The following AFG3L2 variants were observed in gnomAD, a reference collection of about 807,000 sequenced individuals.
AFG3L2 encodes AFG3 like matrix AAA peptidase subunit 2, also known as mitochondrial inner membrane m-AAA protease component AFG3L2.
Under a neutral mutation model 94.5 loss-of-function variants are expected in AFG3L2, and 54 were observed. The ratio of observed to expected loss-of-function variants is 0.57; its 90% CI spans 0.46 to 0.72. The LOEUF is 0.72. Ranked by LOEUF, AFG3L2 falls within the 30% of genes least tolerant of loss-of-function variation. The pLI, the probability that AFG3L2 is intolerant of heterozygous loss-of-function variation, is 0.00. For synonymous variants in AFG3L2, 377 were observed against 365.5 expected, an observed-to-expected ratio of 1.03 and a Z score of -0.36; for missense variants, 754 against 994.9, an observed-to-expected ratio of 0.76 and a Z score of 3.26.
chr18:12,354,714 G>A (rs998606403), intron 9 of AFG3L2, among the ~76,000 whole-genome samples: 2 of 152,022 alleles, frequency 1.3e-5, no homozygotes, highest in Non-Finnish European at 2.9e-5. Flanking sequence ...GACACACTCA[G>A]GTATCTCACG....
At chr18:12,376,170 C>G (rs1471797247) in intron 1 of AFG3L2, among the ~76,000 whole-genome samples, 1 of 152,180 alleles carries the variant, frequency 6.6e-6, no homozygotes, top group Non-Finnish European at 1.5e-5. Context: ...TACAAGGGCG[C>G]TGGGATAGCA....
chr18:12,355,158 C>T (rs775704875), intron 9 of AFG3L2, among the ~76,000 whole-genome samples: 2 of 150,750 alleles, frequency 1.3e-5, no homozygotes, highest in African/African-American at 2.4e-5. Context: ...GAGGTTATGC[C>T]GCTGCACTCC....
At chr18:12,338,687 A>G (rs1907832969) in intron 15 of AFG3L2, among the ~76,000 whole-genome samples, 1 of 152,244 alleles carries the variant, frequency 6.6e-6, no homozygotes, top group Non-Finnish European at 1.5e-5. Context: ...AATAGGCAAT[A>G]GAAAAATCCC....
chr18:12,336,834 T>C (rs1907757038), intron 16 of AFG3L2, among the ~76,000 whole-genome samples: 1 of 152,208 alleles, frequency 6.6e-6, no homozygotes, highest in Non-Finnish European at 1.5e-5. Flanking sequence ...GTAGGTGCTA[T>C]CAAATGAGGT....
At position 12,351,288 on chromosome 18, in the gene AFG3L2, C is replaced by A. The variant is rs1342698324; in HGVS notation, c.1426+18G>T. On this transcript the variant is annotated intron_variant, in intron 11 of 16. Coordinates refer to ENST00000269143, the MANE Select transcript of AFG3L2 (RefSeq NM_006796.3). ...ACACTCATGAGCACTGGACCTGCCC[C>A]AGCAAACATCATCTCACCAATAAAG... 6.2e-7 allele frequency: 1 copy of A among 1,614,140 alleles called. No individual in the cohort carries two copies.
At chr18:12,353,570 G>T (rs1323511737) in intron 9 of AFG3L2, among the ~76,000 whole-genome samples, 1 of 150,424 alleles carries the variant, frequency 6.6e-6, no homozygotes, top group African/African-American at 2.4e-5. Flanking sequence ...CGTCCCATGT[G>T]CAGACAATCT....
chr18:12,356,847 A>C lies in AFG3L2; in HGVS notation c.1027-16T>G, dbSNP rs573415549. On this transcript the variant is annotated splice_polypyrimidine_tract_variant and intron_variant, in intron 8 of 16. Coordinates refer to ENST00000269143, the MANE Select transcript of AFG3L2 (RefSeq NM_006796.3). ...GAATGGCACCCTTCAGATATGAAAA[A>C]AGAAATTACATTTAATGAGAATTCC... 2 of 1,613,248 alleles carry C rather than the reference A, an allele frequency of 1.2e-6. No homozygotes were observed. Among genetic ancestry groups the C allele is most frequent in the South Asian group, 2.2e-5 (2 of 91,016 alleles).
intron 10 of AFG3L2, 92 bp from the exon 11 acceptor site, chr18:12,351,505 T>C (rs781086009): frequency 2.5e-5 from 26 of 1,059,236 alleles, no homozygotes; most frequent in Non-Finnish European, 3.8e-5. Flanking sequence ...TGCAAATTCA[T>C]AGCTACAGTA....
chr18:12,371,749 G>T, intron 1 of AFG3L2, 58 bp from the exon 2 acceptor site: 1 of 1,401,320 alleles, frequency 7.1e-7, no homozygotes, highest in Non-Finnish European at 1.0e-6. Context: ...ACTTAAAAGA[G>T]CTTCATTTCC....
At chr18:12,335,673 C>T (rs9303769) in intron 16 of AFG3L2, among the ~76,000 whole-genome samples, 42,952 of 152,126 alleles carry the variant, frequency 0.28, 6,714 homozygotes, top group African/African-American at 0.4. Flanking sequence ...GGGCTGCCCC[C>T]GGGCTCCACG....
At chr18:12,371,099 G>A (rs964498942) in intron 2 of AFG3L2, among the ~76,000 whole-genome samples, 173 bp from the exon 3 acceptor site, 2 of 152,038 alleles carry the variant, frequency 1.3e-5, no homozygotes, top group Non-Finnish European at 2.9e-5. Context: ...GATCACCTGA[G>A]GTCAGGAGTT....
At chr18:12,361,118 C>T (rs915830920) in intron 6 of AFG3L2, among the ~76,000 whole-genome samples, 1 of 152,194 alleles carries the variant, frequency 6.6e-6, no homozygotes, top group East Asian at 1.9e-4. Context: ...GGCCAGTAAT[C>T]CCAGCACTTT....
intron 3 of AFG3L2, among the ~76,000 whole-genome samples, chr18:12,367,692 G>GT (rs1491553692): frequency 4.6e-5 from 7 of 152,232 alleles, no homozygotes; most frequent in African/African-American, 1.4e-4. Flanking sequence ...ATGGGTGGCA[G>GT]TGTTAGGGGA....
At position 12,343,975 on chromosome 18, in the gene AFG3L2, A is replaced by G. The variant is rs1908037964; in HGVS notation, c.1779+157T>C. On this transcript the variant is annotated intron_variant, in intron 14 of 16. Coordinates refer to ENST00000269143, the MANE Select transcript of AFG3L2 (RefSeq NM_006796.3). ...TCCAAATTTTATATTTATCTATGGG[A>G]CGGTTTGTGCAACTATGGTTACCAG... 6 of 677,494 alleles carry G rather than the reference A, an allele frequency of 8.9e-6. No individual in the cohort carries two copies. The Admixed American group carries it at 9.4e-5, about 11-fold the overall frequency. 42.0% of individuals were successfully genotyped at this position (677,494 alleles called of 1,614,324 possible).
rs142872386 is a variant in AFG3L2, at chr18:12,376,432, C to A, written c.114+537G>T. ...AAAGAGCCTCCTGCTGAGAGCAGGCCCTGATATGCAACGAACACAGAGTCC... is the reference window on the plus strand; with the variant it reads ...AAAGAGCCTCCTGCTGAGAGCAGGCACTGATATGCAACGAACACAGAGTCC... On this transcript the variant is annotated intron_variant, in intron 1 of 16. Coordinates refer to ENST00000269143, the MANE Select transcript of AFG3L2 (RefSeq NM_006796.3). Among the ~76,000 whole-genome samples the A allele has an allele frequency of 2.6e-5, 4 of 152,292 alleles. No individual in the cohort carries two copies. In the East Asian group the frequency reaches 7.7e-4, roughly 29 times the overall value.
chr18:12,376,862 C>T (rs1909174843), intron 1 of AFG3L2, 107 bp downstream of exon 1: 2 of 875,500 alleles, frequency 2.3e-6, no homozygotes, highest in African/African-American at 1.8e-5. Flanking sequence ...AGGGACGGCC[C>T]GCGTGCGGCC....
Position 12,371,695 on chromosome 18 carries a change from C to A in AFG3L2, c.115-4G>T. 6.2e-7 allele frequency: 1 copy of A among 1,611,972 alleles called. No individual in the cohort carries two copies. The highest frequency in any genetic ancestry group is 1.1e-5 in the South Asian group (1 of 90,998). On this transcript the variant is annotated splice_region_variant and splice_polypyrimidine_tract_variant and intron_variant, in intron 1 of 16. Transcript: ENST00000269143. ...GAGTTGTAACAAATCGGTAAAGCTG[C>A]AACAAGACATAAAAATAAAACCATA...
intron 1 of AFG3L2, 95 bp from the exon 2 acceptor site, chr18:12,371,786 T>TC: frequency 1.0e-6 from 1 of 992,746 alleles, no homozygotes; most frequent in South Asian, 1.4e-5. Context: ...GAAAGGTCTC[T>TC]CTCTTCCACA....
intron 14 of AFG3L2, chr18:12,343,347 C>T (rs1457962555): frequency 6.6e-6 from 1 of 151,986 alleles, no homozygotes; most frequent in African/African-American, 2.4e-5. Context: ...CTGTGGGTTC[C>T]TTAGGATGTT....
Sources: gnomAD v4.1 joint callset for allele counts (sites outside exome capture counted in the v4.1 genomes callset) on GRCh38, gnomAD v4.1.1 for gene constraint, MANE v1.5 for transcripts, NCBI Gene and HGNC (gene_info 2026-07-23, HGNC 2026-07-21) for gene names.